The following CCT4 variants were observed in gnomAD, a reference collection of about 807,000 sequenced individuals.
The protein encoded by CCT4 is T-complex protein 1 subunit delta.
Under a neutral mutation model 62.5 loss-of-function variants are expected in CCT4, and 17 were observed. The observed-to-expected ratio is 0.27, with a 90% CI of 0.19 to 0.41. CCT4 has a LOEUF of 0.41. CCT4 is among the 10% of genes least tolerant of loss of function. The pLI, the probability that CCT4 is intolerant of heterozygous loss-of-function variation, is 1.00. For missense variants in CCT4, 592 were observed against 659.2 expected (o/e 0.90, Z 1.12); for synonymous variants, 250 against 229.9 (o/e 1.09, Z -0.79).
chr2:61,886,550 C>T (rs985082154), intron 1 of CCT4, among the ~76,000 whole-genome samples: 7 of 152,254 alleles, frequency 4.6e-5, no homozygotes, highest in East Asian at 1.9e-4. Flanking sequence ...CAGCGCTTTG[C>T]GAAGCCAAGG....
At chr2:61,870,196 G>A (rs1668854642) in intron 12 of CCT4, among the ~76,000 whole-genome samples, 1 of 151,722 alleles carries the variant, frequency 6.6e-6, no homozygotes, top group Non-Finnish European at 1.5e-5. Flanking sequence ...AGAATCGCTT[G>A]AACCCAGGAG....
Position 61,868,644 on chromosome 2 carries a change from T to G in CCT4, c.*48A>C. On this transcript the variant is annotated 3_prime_UTR_variant, in exon 14 of 14. Transcript: ENST00000394440. ...GAACACCAAGGTGATCTTCTTCCATTCCAGCCACAATACTGGTGATCATAA... is the reference window on the plus strand; with the variant it reads ...GAACACCAAGGTGATCTTCTTCCATGCCAGCCACAATACTGGTGATCATAA... 6.9e-7 allele frequency: 1 copy of G among 1,452,840 alleles called. No homozygotes were observed. The highest frequency in any genetic ancestry group is 1.1e-5 in the South Asian group (1 of 87,046). The allele number at this position is 1,452,840 out of a possible 1,614,324, so 90.0% of individuals were successfully genotyped here.
At position 61,874,611 on chromosome 2, in the gene CCT4, C is replaced by CA. The variant is rs770666364; in HGVS notation, c.918-1319dup. 2.2e-3 allele frequency among the ~76,000 whole-genome samples: 267 copies of CA among 123,648 alleles called. 1 individual carries two copies. Among genetic ancestry groups the CA allele is most frequent in the East Asian group, 5.7e-3 (25 of 4,364 alleles). The allele number at this position is 123,648 out of a possible 152,430, so 81.1% of individuals were successfully genotyped here. ...GGGTGACAGAGTGAGACTGTGTCTC[C>CA]AAAAAAAAAAAAAGAAGGAAAAAAG... is the stretch of plus-strand genomic sequence containing the variant. On this transcript the variant is annotated intron_variant, in intron 8 of 13. Coordinates refer to ENST00000394440, the MANE Select transcript of CCT4 (RefSeq NM_006430.4).
chr2:61,874,109 G>A (rs535490940), intron 8 of CCT4, among the ~76,000 whole-genome samples: 10 of 152,276 alleles, frequency 6.6e-5, no homozygotes, highest in African/African-American at 9.6e-5. Context: ...CCCATGAACT[G>A]TGAATAACAA....
chr2:61,876,067 G>GGATCTCCATTT, intron 8 of CCT4, 28 bp downstream of exon 8: 1 of 1,487,744 alleles, frequency 6.7e-7, no homozygotes. Flanking sequence ...TTATCATTAA[G>GGATCTCCATTT]GGATGAACAA....
At chr2:61,883,034 A>T (rs185475598) in intron 3 of CCT4, among the ~76,000 whole-genome samples, 301 of 152,334 alleles carry the variant, frequency 2.0e-3, no homozygotes, top group Non-Finnish European at 3.1e-3. Flanking sequence ...TATCCTAAAA[A>T]TATGCCTGTT....
chr2:61,878,007 A>T (rs1171280820), intron 5 of CCT4, among the ~76,000 whole-genome samples: 1 of 152,202 alleles, frequency 6.6e-6, no homozygotes, highest in African/African-American at 2.4e-5. Flanking sequence ...TCATTTGGCC[A>T]AACAGCGTAG....
At chr2:61,869,964 A>G (rs1203180544) in intron 12 of CCT4, among the ~76,000 whole-genome samples, 1 of 150,398 alleles carries the variant, frequency 6.6e-6, no homozygotes, top group South Asian at 2.1e-4. Flanking sequence ...AATTAGCAAA[A>G]TGATCACAGT....
At position 61,888,277 on chromosome 2, in the gene CCT4, G is replaced by A. The variant is rs1669305840; in HGVS notation, c.127+104C>T. On this transcript the variant is annotated intron_variant, in intron 1 of 13. Transcript: ENST00000394440. ...CTGCTTCTATAGGGAGGACAAGAGA[G>A]GATCACCCGAAGAAATGGGAAATGA... The A allele has an allele frequency of 5.1e-6, 7 of 1,364,956 alleles. No individual in the cohort carries two copies. In the South Asian group the frequency reaches 6.9e-5, roughly 13 times the overall value. 84.6% of individuals were successfully genotyped at this position (1,364,956 alleles called of 1,614,324 possible).
intron 4 of CCT4, among the ~76,000 whole-genome samples, chr2:61,879,728 A>G (rs186200617): frequency 1.5e-4 from 23 of 151,584 alleles, no homozygotes; most frequent in South Asian, 4.2e-4. Flanking sequence ...AAGATTAGTA[A>G]TATTTCTACC....
At chr2:61,871,883 G>C (rs953415708) in intron 12 of CCT4, among the ~76,000 whole-genome samples, 199 bp downstream of exon 12, 1 of 152,136 alleles carries the variant, frequency 6.6e-6, no homozygotes, top group African/African-American at 2.4e-5. Context: ...CAGATTTAAT[G>C]AACAAATAAT....
intron 8 of CCT4, among the ~76,000 whole-genome samples, chr2:61,874,290 G>A (rs1476931558): frequency 2.0e-5 from 3 of 152,050 alleles, no homozygotes; most frequent in African/African-American, 7.2e-5. Flanking sequence ...AGTACATTCT[G>A]GCACATTAAT....
intron 2 of CCT4, among the ~76,000 whole-genome samples, chr2:61,884,129 G>C (rs939178203): frequency 5.3e-5 from 8 of 152,094 alleles, no homozygotes; most frequent in Non-Finnish European, 1.0e-4. Flanking sequence ...ACACTAAACT[G>C]AAGTCCCAAC....
rs1247071622 is a variant in CCT4, at chr2:61,872,123, G to A, written c.1450C>T (p.His484Tyr). The A allele has an allele frequency of 6.2e-7, 1 of 1,613,766 alleles. No individual in the cohort carries two copies. The highest frequency in any genetic ancestry group is 8.5e-7 in the Non-Finnish European group (1 of 1,179,910). Reference protein sequence around the residue: ...ISTVTELRNRHAQGEKTAGIN... With the variant: ...ISTVTELRNRYAQGEKTAGIN... ...CCTGCAGTTTTTTCTCCCTGGGCAT[G>A]CCGGTTTCTTAGTTCTGTTACTGTA... The change falls in exon 12 of 14, where the codon CAT (histidine) becomes TAT (tyrosine). Residue 484 changes from histidine to tyrosine, a missense_variant. Around this residue, in one of 3 missense-constraint regions of CCT4, gnomAD observed 522 missense variants for 571.2 expected, o/e 0.91. Transcript: ENST00000394440.
chr2:61,881,943 T>TG (rs1397016698), intron 3 of CCT4, among the ~76,000 whole-genome samples: 2 of 152,036 alleles, frequency 1.3e-5, no homozygotes, highest in East Asian at 3.9e-4. Context: ...TTCCTTTTTT[T>TG]TTTTTTTGAG....
chr2:61,888,546 G>C lies in CCT4; in HGVS notation c.-39C>G, dbSNP rs1471333957. 1.3e-6 allele frequency: 2 copies of C among 1,594,056 alleles called. No individual in the cohort carries two copies. Among genetic ancestry groups the C allele is most frequent in the East Asian group, 2.2e-5 (1 of 44,492 alleles). On this transcript the variant is annotated 5_prime_UTR_variant, in exon 1 of 14. Transcript: ENST00000394440. ...GTGTCTGGGTTGGCTCGGGAAGGAC[G>C]GATGGACCCGGATTCTGGCCGGCCG...
At chr2:61,883,867 T>A (rs549412413) in intron 2 of CCT4, among the ~76,000 whole-genome samples, 2 of 152,170 alleles carry the variant, frequency 1.3e-5, no homozygotes, top group Admixed American at 1.3e-4. Flanking sequence ...GATTTCTTAT[T>A]AATCAGAAAC....
At chr2:61,879,439 ATTT>A (rs35177149) in intron 4 of CCT4, among the ~76,000 whole-genome samples, 7 of 103,526 alleles carry the variant, frequency 6.8e-5, no homozygotes, top group Admixed American at 1.0e-4. Flanking sequence ...TTTTTTTTGT[ATTT>A]TTTTTTTTTT....
At position 61,869,686 on chromosome 2, in the gene CCT4, T is replaced by C. The variant is rs1007418964; in HGVS notation, c.1492-133A>G. The C allele has an allele frequency of 8.1e-6, 5 of 618,912 alleles. No homozygotes were observed. The Admixed American group carries it at 8.4e-5, about 10-fold the overall frequency. 38.3% of individuals were successfully genotyped at this position (618,912 alleles called of 1,614,324 possible). ...CTAAGAAGATTAGAATATGATACTC[T>C]ACTAAGCTTTTCTCTACACTGTGGG... On this transcript the variant is annotated intron_variant, in intron 12 of 13. Transcript: ENST00000394440.
Sources: gnomAD v4.1 joint callset for allele counts (sites outside exome capture counted in the v4.1 genomes callset) on GRCh38, gnomAD v4.1.1 for gene constraint, gnomAD v4.1.1 regional missense constraint, MANE v1.5 for transcripts, NCBI Gene and HGNC (gene_info 2026-07-23, HGNC 2026-07-21) for gene names.